OC90: variants seen among roughly 807,000 people sequenced by gnomAD.
The protein encoded by OC90 is otoconin 90.
A neutral mutation model predicts 47.3 loss-of-function variants in OC90; 46 were observed. That is an observed-to-expected ratio of 0.97 (90% confidence interval 0.77 to 1.24). The LOEUF is 1.24. Ranked by LOEUF, OC90 falls within the 50% of genes most tolerant of loss-of-function variation. The pLI is 0.00. For missense variants in OC90, 688 were observed against 583.9 expected (o/e 1.18, Z -1.84); for synonymous variants, 271 against 219.5 (o/e 1.23, Z -2.07).
At chr8:132,028,795 GAAGGAAAGAAAGAAA>G (rs1420930691) in intron 13 of OC90, among the ~76,000 whole-genome samples, 1 of 48,878 alleles carries the variant, frequency 2.0e-5, no homozygotes, top group Non-Finnish European at 3.9e-5. Context: ...GAAGAAAGAA[GAAGGAAAGAAAGAAA>G]GAAAGAAAGA....
At chr8:132,032,931 C>T in intron 11 of OC90, 108 bp downstream of exon 11, 1 of 1,263,942 alleles carries the variant, frequency 7.9e-7, no homozygotes, top group African/African-American at 1.5e-5. Context: ...GTCTTCTCAT[C>T]ACACCCCCAT....
intron 2 of OC90, among the ~76,000 whole-genome samples, chr8:132,047,635 T>TAA (rs11436374): frequency 3.6e-4 from 55 of 152,030 alleles, no homozygotes; most frequent in Admixed American, 2.9e-3. Flanking sequence ...TGGGAGATTT[T>TAA]AAAAAAATAA....
In OC90 at chr8:132,041,146, G is replaced by A; in HGVS notation, c.355C>T (p.Gln119Ter). ...GCCTCCTCATAGCACCTGCGGTGCT[G>A]GAAGCAGCAGCTGTAGGAAGGCCGG... ...PVDESDSCCFQHRRCYEEAAE... is the reference protein window; with the variant it reads ...PVDESDSCCF The change falls in exon 6 of 14, where the codon CAG (glutamine) becomes TAG (stop). Residue 119 changes from glutamine to a stop codon, truncating the protein, a stop_gained. Transcript: ENST00000254627. LOFTEE classifies it high-confidence loss of function. 2 of 1,610,128 alleles carry A rather than the reference G, an allele frequency of 1.2e-6. No individual in the cohort carries two copies. The highest frequency in any genetic ancestry group is 1.1e-5 in the South Asian group (1 of 91,028).
At chr8:132,028,526 A>AAAAGAAAGAAAAG (rs1822797167) in intron 13 of OC90, among the ~76,000 whole-genome samples, 18 of 87,556 alleles carry the variant, frequency 2.1e-4, no homozygotes, top group African/African-American at 8.1e-4. Context: ...AGAAAGAAAG[A>AAAAGAAAGAAAAG]AAAGAAAGAA....
chr8:132,041,670 G>A lies in OC90; in HGVS notation c.199C>T (p.Gln67Ter). 6.3e-7 allele frequency: 1 copy of A among 1,599,930 alleles called. No individual in the cohort carries two copies. Among genetic ancestry groups the A allele is most frequent in the Non-Finnish European group, 8.5e-7 (1 of 1,173,602 alleles). Reference protein sequence around the residue: ...DCLGPHFTWLQAVFTNFPVLI... With the variant: ...DCLGPHFTWL Reference sequence around the variant, plus strand: ...ACAGGGAAATTGGTGAAGACAGCCTGCAGCCAGGTGAAGTGGGGGCCCAGG... The same window carrying A: ...ACAGGGAAATTGGTGAAGACAGCCTACAGCCAGGTGAAGTGGGGGCCCAGG... The change falls in exon 5 of 14, where the codon CAG (glutamine) becomes TAG (stop). Residue 67 changes from glutamine to a stop codon, truncating the protein, a stop_gained. Transcript: ENST00000254627. LOFTEE classifies it high-confidence loss of function.
chr8:132,026,928 T>C (rs1474121891), intron 13 of OC90, among the ~76,000 whole-genome samples: 2 of 152,110 alleles, frequency 1.3e-5, no homozygotes, highest in African/African-American at 4.8e-5. Flanking sequence ...CCACTTCCAC[T>C]TTCTGTTCCA....
chr8:132,048,511 C>T (rs931629207), intron 2 of OC90, among the ~76,000 whole-genome samples: 2 of 150,862 alleles, frequency 1.3e-5, no homozygotes, highest in South Asian at 2.1e-4. Context: ...CCTGCTTTTG[C>T]CTCTTTCCCA....
At chr8:132,034,643 G>T in intron 10 of OC90, 138 bp downstream of exon 10, 1 of 606,720 alleles carries the variant, frequency 1.6e-6, no homozygotes, top group Non-Finnish European at 2.9e-6. Context: ...AAATGCTTCC[G>T]ATTCTTGCCC....
At chr8:132,035,922 TG>T (rs1375636586) in intron 9 of OC90, among the ~76,000 whole-genome samples, 3 of 152,234 alleles carry the variant, frequency 2.0e-5, no homozygotes, top group Non-Finnish European at 2.9e-5. Context: ...ACAAGATCAC[TG>T]CTCGTTAACC....
At position 132,055,082 on chromosome 8, in the gene OC90, G is replaced by C. The variant is rs1461894619; in HGVS notation, c.-47-9C>G. On this transcript the variant is annotated splice_polypyrimidine_tract_variant and intron_variant, in intron 1 of 13. Coordinates refer to ENST00000254627, the MANE Select transcript of OC90 (RefSeq NM_001080399.3). ...GCAACTGGAACGGACTCCTGGGAGA[G>C]AAGCCAGCAGAATAGGATGGAAGCA... The C allele has an allele frequency of 7.2e-7, 1 of 1,393,110 alleles. No homozygotes were observed. Among genetic ancestry groups the C allele is most frequent in the African/African-American group, 1.4e-5 (1 of 69,462 alleles). 86.3% of individuals were successfully genotyped at this position (1,393,110 alleles called of 1,614,324 possible). A position where few individuals can be genotyped will look rare whatever the true frequency, so the allele number is the denominator to read the frequency against.
At chr8:132,048,091 G>C (rs1207274285) in intron 2 of OC90, among the ~76,000 whole-genome samples, 1 of 152,200 alleles carries the variant, frequency 6.6e-6, no homozygotes, top group African/African-American at 2.4e-5. Flanking sequence ...GCCCTCACCA[G>C]ACACTGAATC....
At chr8:132,042,104 C>T (rs1823062227) in intron 4 of OC90, among the ~76,000 whole-genome samples, 1 of 151,288 alleles carries the variant, frequency 6.6e-6, no homozygotes, top group Non-Finnish European at 1.5e-5. Flanking sequence ...TCTTTTCTAG[C>T]AACGAATAAA....
Position 132,029,176 on chromosome 8 carries a change from G to T in OC90, c.1035C>A (p.Cys345Ter). Residue 345 changes from cysteine (C) to a stop codon, truncating the protein, a stop_gained, in exon 13 of 14, where the codon TGC becomes TGA. Transcript: ENST00000254627. LOFTEE classifies it high-confidence loss of function. The stretch of plus-strand genomic sequence containing the variant: ...CTAGGCAGCAGTGATGGGACAAGCA[G>T]CACCTAAGACCAAGGAAAACCCTTT... Reference protein sequence around the residue: ...RGEPRDDLDRCCLSHHCCLEQ... With the variant: ...RGEPRDDLDR 6.2e-7 allele frequency: 1 copy of T among 1,612,874 alleles called. No individual in the cohort carries two copies.
intron 4 of OC90, 78 bp downstream of exon 4, chr8:132,044,355 G>A (rs1003690316): frequency 1.2e-5 from 10 of 811,366 alleles, no homozygotes; most frequent in Admixed American, 2.1e-5. Flanking sequence ...TTGAGACCAA[G>A]GCCCTTGCAA....
At position 132,044,450 on chromosome 8, in the gene OC90, C is replaced by A; in HGVS notation, c.152G>T (p.Ser51Ile). The change falls in exon 4 of 14, where the codon AGT becomes ATT. Residue 51 changes from serine to isoleucine, a missense_variant. Ser to Ile is a moderately radical substitution (Grantham distance 142). Transcript: ENST00000254627. ...TAACTTACCAAAAATTTCAGCCACA[C>A]TTTCCACATTTTTAAACATCCCACT... Reference protein sequence around the residue: ...FFSGMFKNVESVAEIFDCLGP... With the variant: ...FFSGMFKNVEIVAEIFDCLGP... 1.3e-6 allele frequency: 2 copies of A among 1,555,980 alleles called. No homozygotes were observed. Among genetic ancestry groups the A allele is most frequent in the Non-Finnish European group, 8.8e-7 (1 of 1,142,674 alleles).
Position 132,044,433 on chromosome 8 carries a change from C to T in OC90, c.169G>A (p.Asp57Asn), listed in dbSNP as rs751340143. ...AAAAGCAATTTTAGACTTAACTTAC[C>T]AAAAATTTCAGCCACACTTTCCACA... Reference protein sequence around the residue: ...KNVESVAEIFDCLGPHFTWLQ... With the variant: ...KNVESVAEIFNCLGPHFTWLQ... Residue 57 changes from aspartate to asparagine, a missense_variant and splice_region_variant, in exon 4 of 14, where the codon GAT becomes AAT. Asp to Asn is a conservative substitution (Grantham distance 23, BLOSUM62 1). Transcript: ENST00000254627. 9 of 1,532,516 alleles carry T rather than the reference C, an allele frequency of 5.9e-6. No homozygotes were observed. The South Asian group carries it at 1.1e-4, about 18-fold the overall frequency. The allele number at this position is 1,532,516 out of a possible 1,614,324, so 94.9% of individuals were successfully genotyped here.
rs775066233 is a variant in OC90, at chr8:132,031,959, C to G, written c.953G>C (p.Arg318Pro). ...LGEMLFCLTS[R>P]CPEEFESYGC... The stretch of plus-strand genomic sequence containing the variant: ...ATAAGACTCAAATTCCTCCGGGCAC[C>G]GGGATGTCAGACAAAAGAGCATCTC... Residue 318 changes from arginine to proline, a missense_variant, in exon 12 of 14, where the codon CGG becomes CCG. Physicochemically the swap from Arg to Pro is moderately radical, Grantham distance 103. Coordinates refer to ENST00000254627, the MANE Select transcript of OC90 (RefSeq NM_001080399.3). The G allele has an allele frequency of 6.2e-7, 1 of 1,614,016 alleles. No homozygotes were observed.
At chr8:132,039,420 G>C (rs1823021970) in intron 6 of OC90, among the ~76,000 whole-genome samples, 1 of 152,150 alleles carries the variant, frequency 6.6e-6, no homozygotes, top group Non-Finnish European at 1.5e-5. Context: ...AGGCCCTCTT[G>C]TCTCGTGCCT....
rs367824201 is a variant in OC90, at chr8:132,038,826, T to A, written c.592A>T (p.Thr198Ser). 1 of 1,613,922 alleles carries A rather than the reference T, an allele frequency of 6.2e-7. No individual in the cohort carries two copies. Among genetic ancestry groups the A allele is most frequent in the Non-Finnish European group, 8.5e-7 (1 of 1,179,828 alleles). Residue 198 changes from threonine (T) to serine (S), a missense_variant, in exon 8 of 14, where the codon ACC becomes TCC. By Grantham distance (58) the Thr-to-Ser change is moderately conservative. Coordinates refer to ENST00000254627, the MANE Select transcript of OC90 (RefSeq NM_001080399.3). ...SFCLAQTPET[T>S]IKEDLTTLLP... Reference sequence around the variant, plus strand: ...AGTGTTGTCAAGTCTTCCTTGATGGTTGTCTCTGAAAAGAAAACACTTTGG... The same window carrying A: ...AGTGTTGTCAAGTCTTCCTTGATGGATGTCTCTGAAAAGAAAACACTTTGG...
Sources: allele counts gnomAD v4.1 joint callset (sites outside exome capture counted in the v4.1 genomes callset), GRCh38; gene constraint gnomAD v4.1.1; transcripts MANE v1.5; gene names NCBI Gene and HGNC (gene_info 2026-07-23, HGNC 2026-07-21).